ENTPD1: variants seen among roughly 807,000 people sequenced by gnomAD.
ENTPD1 encodes the protein ectonucleoside triphosphate diphosphohydrolase 1, also known as ATP diphosphohydrolase.
In ENTPD1, 33 loss-of-function variants were observed where a neutral mutation model predicts 57.0. The observed-to-expected ratio is 0.58, with a 90% CI of 0.44 to 0.77. ENTPD1 has a LOEUF of 0.77. ENTPD1 is among the 30% of genes least tolerant of loss of function. The pLI is 0.00. For missense variants in ENTPD1, 501 were observed against 603.4 expected (o/e 0.83, Z 1.78); for synonymous variants, 202 against 218.8 (o/e 0.92, Z 0.68).
chr10:95,852,691 CT>C (rs1030644030), intron 7 of ENTPD1, among the ~76,000 whole-genome samples: 143 of 152,282 alleles, frequency 9.4e-4, no homozygotes, highest in African/African-American at 3.3e-3. Flanking sequence ...ATAGGGAATC[CT>C]TTCCCCATTG....
At chr10:95,775,437 G>T (rs2098130390) in intron 1 of ENTPD1, among the ~76,000 whole-genome samples, 1 of 152,172 alleles carries the variant, frequency 6.6e-6, no homozygotes, top group Non-Finnish European at 1.5e-5. Flanking sequence ...TCCAGTTTTT[G>T]CCCATTCAGT....
At chr10:95,797,739 A>G (rs1163873944) in intron 1 of ENTPD1, among the ~76,000 whole-genome samples, 1 of 152,184 alleles carries the variant, frequency 6.6e-6, no homozygotes, top group Admixed American at 6.5e-5. Context: ...GCTCATTACT[A>G]TGGAGAGGAC....
intron 1 of ENTPD1, among the ~76,000 whole-genome samples, chr10:95,799,373 C>T (rs1015231487): frequency 1.3e-5 from 2 of 152,270 alleles, no homozygotes; most frequent in South Asian, 4.1e-4. Flanking sequence ...TTGGCTCTCA[C>T]TTATAAGTGA....
At chr10:95,817,437 A>T (rs1308197430) in intron 1 of ENTPD1, among the ~76,000 whole-genome samples, 1 of 152,210 alleles carries the variant, frequency 6.6e-6, no homozygotes, top group African/African-American at 2.4e-5. Context: ...CAGTGACTTC[A>T]ACAGCCCCCA....
intron 1 of ENTPD1, among the ~76,000 whole-genome samples, chr10:95,794,599 T>C (rs2098218783): frequency 6.6e-6 from 1 of 152,214 alleles, no homozygotes; most frequent in Admixed American, 6.5e-5. Flanking sequence ...ATATCCGGAA[T>C]TGAGGACTGC....
chr10:95,750,820 C>T (rs1422609113), upstream of ENTPD1, among the ~76,000 whole-genome samples: 3 of 152,018 alleles, frequency 2.0e-5, no homozygotes, highest in Admixed American at 6.5e-5. Context: ...GTCAGGAGTT[C>T]GAGACCAGCC....
At chr10:95,750,460 A>T (rs574697091) in intron 1 of ENTPD1, among the ~76,000 whole-genome samples, 1 of 152,122 alleles carries the variant, frequency 6.6e-6, no homozygotes, top group East Asian at 1.9e-4. Flanking sequence ...TTGCTATGTG[A>T]TGTACCAGCT....
At chr10:95,704,037 G>A in the ENTPD1 span, among the ~76,000 whole-genome samples, 1 of 152,060 alleles carries the variant, frequency 6.6e-6, no homozygotes, top group Non-Finnish European at 1.5e-5. Context: ...ATTGCAGTGA[G>A]CTGAGATCAC....
At chr10:95,714,367 A>C (rs1422380784) in intron 1 of ENTPD1, among the ~76,000 whole-genome samples, 1 of 152,194 alleles carries the variant, frequency 6.6e-6, no homozygotes, top group Non-Finnish European at 1.5e-5. Context: ...TAAACGTTAA[A>C]GTTTGAAAAC....
At chr10:95,729,259 AAC>A (rs2097986882) in intron 1 of ENTPD1, among the ~76,000 whole-genome samples, 1 of 152,180 alleles carries the variant, frequency 6.6e-6, no homozygotes, top group African/African-American at 2.4e-5. Context: ...TATTCAGAGA[AAC>A]ACAGTATGAA....
chr10:95,813,387 CT>C (rs1357999298), intron 1 of ENTPD1, among the ~76,000 whole-genome samples: 2 of 152,162 alleles, frequency 1.3e-5, no homozygotes, highest in African/African-American at 4.8e-5. Flanking sequence ...GTTTTTGGCC[CT>C]CTGACATCAA....
upstream of ENTPD1, among the ~76,000 whole-genome samples, chr10:95,708,599 TA>T: frequency 6.6e-6 from 1 of 152,254 alleles, no homozygotes; most frequent in Middle Eastern, 3.2e-3. Context: ...GGAAACAATG[TA>T]AATGTCTATC....
intron 1 of ENTPD1, among the ~76,000 whole-genome samples, chr10:95,742,132 T>C (rs1211147882): frequency 6.6e-6 from 1 of 152,206 alleles, no homozygotes; most frequent in Non-Finnish European, 1.5e-5. Flanking sequence ...TTCAAAACTT[T>C]CCACTGACTC....
intron 1 of ENTPD1, chr10:95,712,102 T>C: frequency 1.3e-6 from 2 of 1,515,268 alleles, no homozygotes; most frequent in Admixed American, 3.6e-5. Context: ...AAAACCTTGA[T>C]TAATGAGAAA....
intron 3 of ENTPD1, among the ~76,000 whole-genome samples, chr10:95,842,090 A>G (rs1358713127): frequency 6.6e-6 from 1 of 152,198 alleles, no homozygotes; most frequent in South Asian, 2.1e-4. Context: ...ATGTTATGCA[A>G]TTGAATATGA....
chr10:95,707,935 A>G (rs2097963166), upstream of ENTPD1, among the ~76,000 whole-genome samples: 1 of 152,298 alleles, frequency 6.6e-6, no homozygotes, highest in South Asian at 2.1e-4. Flanking sequence ...GGAGCTATAT[A>G]TACATTTGAT....
intron 1 of ENTPD1, among the ~76,000 whole-genome samples, chr10:95,805,834 C>T (rs1287157366): frequency 6.6e-6 from 1 of 152,170 alleles, no homozygotes; most frequent in African/African-American, 2.4e-5. Flanking sequence ...TCTCTTCTGG[C>T]TTGTAGAGTT....
intron 1 of ENTPD1, among the ~76,000 whole-genome samples, chr10:95,771,981 A>G (rs558556973): frequency 1.1e-4 from 17 of 152,258 alleles, no homozygotes; most frequent in Non-Finnish European, 2.5e-4. Context: ...TTAAAAGAGT[A>G]GTATGAATTT....
chr10:95,726,656 C>T (rs943138286), intron 1 of ENTPD1, among the ~76,000 whole-genome samples: 3 of 152,166 alleles, frequency 2.0e-5, no homozygotes, highest in Admixed American at 6.5e-5. Context: ...AATTAGTTTC[C>T]TTCTAAAAGT....
Sources: gnomAD v4.1 joint callset for allele counts (sites outside exome capture counted in the v4.1 genomes callset) on GRCh38, gnomAD v4.1.1 for gene constraint, MANE v1.5 for transcripts, NCBI Gene and HGNC (gene_info 2026-07-23, HGNC 2026-07-21) for gene names.